The following TEAD1 variants were observed in gnomAD, a reference collection of about 807,000 sequenced individuals.
TEAD1 encodes TEA domain transcription factor 1.
A neutral mutation model predicts 54.9 loss-of-function variants in TEAD1; 9 were observed. The observed-to-expected ratio is 0.16, with a 90% CI of 0.10 to 0.29. The LOEUF (loss-of-function observed/expected upper bound fraction) is 0.29. Ranked by LOEUF, TEAD1 falls within the 10% of genes least tolerant of loss-of-function variation. The pLI is 1.00. For missense variants in TEAD1, 387 were observed against 535.9 expected, an observed-to-expected ratio of 0.72 and a Z score of 2.74; for synonymous variants, 200 against 187.8, an observed-to-expected ratio of 1.07 and a Z score of -0.53.
intron 5 of TEAD1, among the ~76,000 whole-genome samples, chr11:12,872,089 G>C (rs1469551450): frequency 6.6e-6 from 1 of 152,200 alleles, no homozygotes; most frequent in Admixed American, 6.5e-5. Context: ...AATAGGCAGA[G>C]AGCTTAAAGT....
At chr11:12,867,559 A>G (rs1329290070) in intron 5 of TEAD1, among the ~76,000 whole-genome samples, 1 of 152,134 alleles carries the variant, frequency 6.6e-6, no homozygotes, top group Non-Finnish European at 1.5e-5. Flanking sequence ...ATTTTATCTC[A>G]AAGGCAGTAT....
At chr11:12,734,545 C>T (rs1164561450) in intron 2 of TEAD1, among the ~76,000 whole-genome samples, 2 of 152,228 alleles carry the variant, frequency 1.3e-5, no homozygotes, top group South Asian at 4.1e-4. Flanking sequence ...AGAGCAACTT[C>T]CAGTTCTGCA....
At chr11:12,735,872 A>G (rs1371878390) in intron 2 of TEAD1, among the ~76,000 whole-genome samples, 2 of 152,164 alleles carry the variant, frequency 1.3e-5, no homozygotes, top group Non-Finnish European at 2.9e-5. Flanking sequence ...AGTTGGCTGC[A>G]TGCTTGTTTA....
intron 3 of TEAD1, among the ~76,000 whole-genome samples, chr11:12,803,100 G>A (rs543282600): frequency 7.2e-6 from 1 of 138,966 alleles, no homozygotes; most frequent in Non-Finnish European, 1.6e-5. Flanking sequence ...ATTTTCACCT[G>A]TATTTTTTTT....
At chr11:12,917,797 A>G (rs1194860186) in intron 10 of TEAD1, among the ~76,000 whole-genome samples, 1 of 152,186 alleles carries the variant, frequency 6.6e-6, no homozygotes, top group East Asian at 1.9e-4. Flanking sequence ...ATTTCTTAGA[A>G]GGACTCATTT....
rs541417420 is a variant in TEAD1, at chr11:12,893,003, G to C, written c.700-8937G>C. Among the ~76,000 whole-genome samples, 25 of 152,270 alleles carry C rather than the reference G, an allele frequency of 1.6e-4. No homozygotes were observed. In the South Asian group the frequency reaches 5.0e-3, roughly 30 times the overall value. On this transcript the variant is annotated intron_variant, in intron 9 of 12. Transcript: ENST00000527636. ...CATTTGACCTTGTAGACAGGCTAGG[G>C]TTCATCACTGCTCAGATGAGGAAGC...
intron 3 of TEAD1, among the ~76,000 whole-genome samples, chr11:12,842,077 A>G (rs1340002049): frequency 6.6e-6 from 1 of 152,222 alleles, no homozygotes; most frequent in Non-Finnish European, 1.5e-5. Flanking sequence ...AAAACAAAAC[A>G]AAACAAAACA....
chr11:12,943,886 C>A lies in TEAD1; in HGVS notation c.*6664C>A, dbSNP rs1261871738. ...TTCTGTAGGCCTTTTTCAATAGGCT[C>A]ATGACTGCAGACAAGGAAAAAAAAA... On this transcript the variant is annotated 3_prime_UTR_variant, in exon 13 of 13. Transcript: ENST00000527636. 6.6e-6 allele frequency: 1 copy of A among 150,816 alleles called. No individual in the cohort carries two copies. Among genetic ancestry groups the A allele is most frequent in the African/African-American group, 2.5e-5 (1 of 40,712 alleles). The allele number at this position is 150,816 out of a possible 1,614,324, so 9.3% of individuals were successfully genotyped here.
rs936984051 is a variant in TEAD1 at position 12,732,080 on chromosome 11, AT to A, written c.-54-32088del. Among the ~76,000 whole-genome samples the A allele has an allele frequency of 3.4e-3, 497 of 147,680 alleles. 1 individual carries two copies. The highest frequency in any genetic ancestry group is 0.011 in the African/African-American group (443 of 40,286). ...TTCTCCATCCTATACTTGTGAGTTGATTTTTTTTTTTCAGCCCTAAGTGCAT... is the reference window on the plus strand; with the variant it reads ...TTCTCCATCCTATACTTGTGAGTTGATTTTTTTTTTCAGCCCTAAGTGCAT... On this transcript the variant is annotated intron_variant, in intron 2 of 12. Transcript: ENST00000527636.
intron 2 of TEAD1, among the ~76,000 whole-genome samples, chr11:12,683,414 G>T (rs1002436486): frequency 6.6e-6 from 1 of 152,102 alleles, no homozygotes; most frequent in Non-Finnish European, 1.5e-5. Flanking sequence ...TTTTTTACAC[G>T]TTTATATTTT....
At chr11:12,828,361 C>T (rs911788758) in intron 3 of TEAD1, 2 of 152,152 alleles carry the variant, frequency 1.3e-5, no homozygotes, top group African/African-American at 2.4e-5. Flanking sequence ...TCTTTATGTA[C>T]TTATTTTATA....
At position 12,731,716 on chromosome 11, in the gene TEAD1, G is replaced by A. The variant is rs550354373; in HGVS notation, c.-54-32463G>A. On this transcript the variant is annotated intron_variant, in intron 2 of 12. Coordinates refer to ENST00000527636, the MANE Select transcript of TEAD1 (RefSeq NM_021961.6). ...CTTCTTTACCTAGACTATAAGTCGA[G>A]GTAAACTGTTTCCATTACCTATTCC... Among the ~76,000 whole-genome samples, 11 of 152,178 alleles carry A rather than the reference G, an allele frequency of 7.2e-5. No homozygotes were observed. The East Asian group carries it at 2.1e-3, about 29-fold the overall frequency.
At chr11:12,848,068 A>T (rs972604866) in intron 3 of TEAD1, among the ~76,000 whole-genome samples, 3 of 152,152 alleles carry the variant, frequency 2.0e-5, no homozygotes, top group African/African-American at 7.2e-5. Context: ...AGGAGGAAAC[A>T]TCTCTGGGCA....
At chr11:12,721,217 CAGTGCA>C in intron 2 of TEAD1, among the ~76,000 whole-genome samples, 1 of 152,320 alleles carries the variant, frequency 6.6e-6, no homozygotes, top group East Asian at 1.9e-4. Flanking sequence ...GCACCTGGCT[CAGTGCA>C]GGTGCAGGAA....
chr11:12,875,226 G>A (rs1054912894), intron 5 of TEAD1, among the ~76,000 whole-genome samples: 1 of 152,218 alleles, frequency 6.6e-6, no homozygotes, highest in Non-Finnish European at 1.5e-5. Context: ...GGATAGATTA[G>A]CCTCCTCCCC....
intron 3 of TEAD1, among the ~76,000 whole-genome samples, chr11:12,826,626 G>A (rs973094819): frequency 6.6e-6 from 1 of 152,174 alleles, no homozygotes; most frequent in African/African-American, 2.4e-5. Context: ...TGCAAACCTT[G>A]GGTCAGTTAC....
At chr11:12,825,604 C>A (rs1946635689) in intron 3 of TEAD1, among the ~76,000 whole-genome samples, 2 of 152,092 alleles carry the variant, frequency 1.3e-5, no homozygotes. Context: ...AGATTCAGTG[C>A]AATCCTTATA....
intron 5 of TEAD1, among the ~76,000 whole-genome samples, chr11:12,872,799 G>C (rs568526754): frequency 1.3e-5 from 2 of 152,336 alleles, no homozygotes; most frequent in South Asian, 4.2e-4. Context: ...AAGGGCTCCT[G>C]AGTATTTCAG....
chr11:12,701,444 T>C (rs1222444580), intron 2 of TEAD1, among the ~76,000 whole-genome samples: 1 of 152,118 alleles, frequency 6.6e-6, no homozygotes, highest in Non-Finnish European at 1.5e-5. Context: ...TTTCTTTTGA[T>C]CTTGGAAATT....
Sources: allele counts gnomAD v4.1 joint callset (sites outside exome capture counted in the v4.1 genomes callset), GRCh38; gene constraint gnomAD v4.1.1; transcripts MANE v1.5; gene names NCBI Gene and HGNC (gene_info 2026-07-23, HGNC 2026-07-21).